The following HACD2 variants were observed in gnomAD, a reference collection of about 807,000 sequenced individuals.
HACD2 encodes 3-hydroxyacyl-CoA dehydratase 2.
In HACD2, 15 loss-of-function variants were observed where a neutral mutation model predicts 31.0. The ratio of observed to expected loss-of-function variants is 0.48; its 90% confidence interval spans 0.32 to 0.75. The LOEUF (loss-of-function observed/expected upper bound fraction) is 0.75, where lower values mean the gene tolerates loss of function less well. Ranked by LOEUF, HACD2 falls within the 30% of genes least tolerant of loss-of-function variation. The pLI is 0.03. For missense variants in HACD2, 283 were observed against 313.0 expected (o/e 0.90, Z 0.72); for synonymous variants, 115 against 122.2 (o/e 0.94, Z 0.39).
At chr3:123,555,385 C>T (rs2056662594) in intron 3 of HACD2, among the ~76,000 whole-genome samples, 1 of 151,778 alleles carries the variant, frequency 6.6e-6, no homozygotes, top group Admixed American at 6.6e-5. Context: ...AACTAATAAG[C>T]AAGTATAGCA....
intron 3 of HACD2, among the ~76,000 whole-genome samples, chr3:123,548,603 G>A (rs1465726063): frequency 6.6e-6 from 1 of 152,092 alleles, no homozygotes; most frequent in African/African-American, 2.4e-5. Context: ...ATTACAACAC[G>A]CAGAACCTTT....
intron 4 of HACD2, among the ~76,000 whole-genome samples, chr3:123,514,816 C>G (rs1447965561): frequency 6.6e-6 from 1 of 152,158 alleles, no homozygotes. Flanking sequence ...ATGATAGTTC[C>G]CATTAGCAGG....
At chr3:123,507,115 G>C (rs1426850219) in intron 4 of HACD2, among the ~76,000 whole-genome samples, 1 of 152,096 alleles carries the variant, frequency 6.6e-6, no homozygotes, top group African/African-American at 2.4e-5. Flanking sequence ...AAAGTAGCCA[G>C]GGTGGTGGTG....
At position 123,573,664 on chromosome 3, in the gene HACD2, C is replaced by A. The variant is rs528709663; in HGVS notation, c.274-5884G>T. Among the ~76,000 whole-genome samples, 3 of 152,192 alleles carry A rather than the reference C, an allele frequency of 2.0e-5. No individual in the cohort carries two copies. The East Asian group carries it at 5.8e-4, about 29-fold the overall frequency. ...CACTAATAAAGGTGATTTTTAGGATCCTTATGTAACTCCTTTGAGTTACTG... is the reference window on the plus strand; with the variant it reads ...CACTAATAAAGGTGATTTTTAGGATACTTATGTAACTCCTTTGAGTTACTG... On this transcript the variant is annotated intron_variant, in intron 2 of 6. Transcript: ENST00000383657.
intron 2 of HACD2, among the ~76,000 whole-genome samples, chr3:123,571,134 G>A (rs1304190732): frequency 1.3e-5 from 2 of 152,162 alleles, no homozygotes; most frequent in East Asian, 1.9e-4. Flanking sequence ...TAGAAATGCT[G>A]TAATGCTTAC....
chr3:123,508,931 A>G (rs975584618), intron 4 of HACD2, among the ~76,000 whole-genome samples: 5 of 152,070 alleles, frequency 3.3e-5, no homozygotes, highest in South Asian at 2.1e-4. Context: ...CCTCCTTCAC[A>G]TGGTATCTTT....
At chr3:123,580,371 G>A (rs779230055) in intron 2 of HACD2, among the ~76,000 whole-genome samples, 4 of 152,034 alleles carry the variant, frequency 2.6e-5, no homozygotes, top group Non-Finnish European at 5.9e-5. Context: ...AGCTACTTGG[G>A]AGGATGAGGT....
At chr3:123,511,290 T>C (rs889724720) in intron 4 of HACD2, among the ~76,000 whole-genome samples, 3 of 152,144 alleles carry the variant, frequency 2.0e-5, no homozygotes, top group African/African-American at 7.2e-5. Context: ...GAACCCAAGG[T>C]ATGTCTCCTA....
At chr3:123,564,177 G>T (rs1401678522) in intron 3 of HACD2, among the ~76,000 whole-genome samples, 5 of 152,194 alleles carry the variant, frequency 3.3e-5, no homozygotes, top group Admixed American at 2.6e-4. Context: ...TGGGAGTGTG[G>T]GTCATGCTGA....
chr3:123,495,041 G>A (rs999030415), intron 6 of HACD2, 71 bp from the exon 7 acceptor site: 3 of 925,152 alleles, frequency 3.2e-6, no homozygotes, highest in African/African-American at 3.3e-5. Flanking sequence ...AGCATATGAA[G>A]TTGAGGTCCT....
In HACD2 at chr3:123,492,852, T is replaced by A. The variant is rs756890831; in HGVS notation, c.*2036A>T. On this transcript the variant is annotated 3_prime_UTR_variant, in exon 7 of 7. Transcript: ENST00000383657. ...TCTATTTTATAGTAGAAATACATTA[T>A]GGAAGAATAAAATGAGAGAAAAGTC... The A allele has an allele frequency of 6.6e-6, 1 of 152,186 alleles. No individual in the cohort carries two copies. Among genetic ancestry groups the A allele is most frequent in the African/African-American group, 2.4e-5 (1 of 41,454 alleles). 9.4% of individuals were successfully genotyped at this position (152,186 alleles called of 1,614,324 possible). A position where few individuals can be genotyped will look rare whatever the true frequency, so the allele number is the denominator to read the frequency against.
chr3:123,537,876 A>T (rs577677179), intron 3 of HACD2, among the ~76,000 whole-genome samples: 1 of 149,714 alleles, frequency 6.7e-6, no homozygotes, highest in African/African-American at 2.5e-5. Context: ...AATTTTCAAA[A>T]TTAAAAAAAT....
intron 2 of HACD2, among the ~76,000 whole-genome samples, chr3:123,581,660 C>T (rs2056967761): frequency 6.6e-6 from 1 of 152,194 alleles, no homozygotes; most frequent in South Asian, 2.1e-4. Flanking sequence ...CAGAAAATTC[C>T]TTTTTTGCTT....
chr3:123,570,363 T>A (rs746166543), intron 2 of HACD2, among the ~76,000 whole-genome samples: 4 of 152,162 alleles, frequency 2.6e-5, no homozygotes, highest in Non-Finnish European at 5.9e-5. Context: ...CATAGTAAAT[T>A]ATGAAAATAA....
chr3:123,530,318 T>C (rs186378834), intron 3 of HACD2, among the ~76,000 whole-genome samples: 1 of 152,146 alleles, frequency 6.6e-6, no homozygotes, highest in Non-Finnish European at 1.5e-5. Flanking sequence ...GACGCCATCA[T>C]ATCTCTCACT....
intron 2 of HACD2, among the ~76,000 whole-genome samples, chr3:123,570,917 TACACAC>T (rs149856963): frequency 1.7e-4 from 25 of 144,760 alleles, no homozygotes; most frequent in Non-Finnish European, 3.5e-4. Context: ...TTCATACCAT[TACACAC>T]ACACACACAC....
intron 2 of HACD2, among the ~76,000 whole-genome samples, chr3:123,572,482 T>C (rs1299359654): frequency 6.6e-6 from 1 of 152,206 alleles, no homozygotes; most frequent in East Asian, 1.9e-4. Flanking sequence ...CACTCCATCC[T>C]GGGCAACAGA....
chr3:123,559,544 T>A (rs1576227181), intron 3 of HACD2, among the ~76,000 whole-genome samples: 1 of 152,202 alleles, frequency 6.6e-6, no homozygotes, highest in Admixed American at 6.5e-5. Context: ...CATCACGTAT[T>A]CAGTCCAATG....
chr3:123,539,780 G>A (rs988001905), intron 3 of HACD2, among the ~76,000 whole-genome samples: 2 of 151,452 alleles, frequency 1.3e-5, no homozygotes, highest in Admixed American at 1.3e-4. Flanking sequence ...ACAATTCATA[G>A]GGTCCATGAA....
Sources: gnomAD v4.1 joint callset for allele counts (sites outside exome capture counted in the v4.1 genomes callset) on GRCh38, gnomAD v4.1.1 for gene constraint, MANE v1.5 for transcripts, NCBI Gene and HGNC (gene_info 2026-07-23, HGNC 2026-07-21) for gene names.